The following CACNB2 variants were observed in gnomAD, a reference collection of about 807,000 sequenced individuals.
CACNB2 encodes the protein calcium voltage-gated channel auxiliary subunit beta 2, also known as voltage-dependent L-type calcium channel subunit beta-2.
In CACNB2, 42 loss-of-function variants were observed where a neutral mutation model predicts 73.3. That is an observed-to-expected ratio of 0.57 (90% confidence interval 0.45 to 0.74). The LOEUF is 0.74. CACNB2 is among the 30% of genes least tolerant of loss of function. The pLI, the probability that CACNB2 is intolerant of heterozygous loss-of-function variation, is 0.00. For synonymous variants in CACNB2, 348 were observed against 310.3 expected, an observed-to-expected ratio of 1.12 and a Z score of -1.28; for missense variants, 940 against 853.0, an observed-to-expected ratio of 1.10 and a Z score of -1.27.
At chr10:18,538,020 CT>C (rs1167621437) in intron 12 of CACNB2, among the ~76,000 whole-genome samples, 159 bp from the exon 13 acceptor site, 2 of 152,150 alleles carry the variant, frequency 1.3e-5, no homozygotes, top group African/African-American at 4.8e-5. Flanking sequence ...TAGTCAGACA[CT>C]TCCTAACTAA....
intron 9 of CACNB2, among the ~76,000 whole-genome samples, 195 bp from the exon 10 acceptor site, chr10:18,527,393 A>G (rs1589699515): frequency 6.6e-6 from 1 of 152,324 alleles, no homozygotes; most frequent in East Asian, 1.9e-4. Flanking sequence ...AACAAAAAAC[A>G]AAGTAAGGCA....
At chr10:18,408,231 CTTTTTTTTTTT>C (rs71402161) in intron 3 of CACNB2, among the ~76,000 whole-genome samples, 1 of 77,994 alleles carries the variant, frequency 1.3e-5, no homozygotes, top group Non-Finnish European at 2.3e-5. Flanking sequence ...CTATCCCTGA[CTTTTTTTTTTT>C]TTTTTTTTTT....
chr10:18,508,083 A>C (rs1181371540), intron 6 of CACNB2, among the ~76,000 whole-genome samples: 1 of 152,162 alleles, frequency 6.6e-6, no homozygotes, highest in Admixed American at 6.5e-5. Context: ...CCATTGGCAA[A>C]CTAAGATACT....
intron 2 of CACNB2, among the ~76,000 whole-genome samples, chr10:18,379,574 A>G (rs11013933): frequency 0.26 from 39,834 of 151,988 alleles, 5,413 homozygotes; most frequent in Non-Finnish European, 0.28. Context: ...TTGTCGTACA[A>G]CCATCACCAC....
intron 2 of CACNB2, among the ~76,000 whole-genome samples, chr10:18,330,900 C>T (rs775611785): frequency 2.0e-5 from 3 of 151,828 alleles, no homozygotes; most frequent in Non-Finnish European, 4.4e-5. Context: ...AACTCCTGGC[C>T]TCATAATCTG....
intron 3 of CACNB2, among the ~76,000 whole-genome samples, chr10:18,479,963 C>A (rs1442387946): frequency 6.6e-6 from 1 of 152,118 alleles, no homozygotes; most frequent in East Asian, 1.9e-4. Flanking sequence ...TGTTATCTCC[C>A]AGGTTGATCA....
intron 3 of CACNB2, among the ~76,000 whole-genome samples, chr10:18,415,114 G>T (rs2044869732): frequency 2.0e-5 from 3 of 152,174 alleles, no homozygotes. Flanking sequence ...AGAAGCTCAT[G>T]GTCTAATGGT....
intron 2 of CACNB2, among the ~76,000 whole-genome samples, chr10:18,165,499 G>A (rs551354627): frequency 8.5e-5 from 13 of 152,300 alleles, no homozygotes; most frequent in South Asian, 6.2e-4. Flanking sequence ...TGTGACCTCC[G>A]CCTCCCAGGT....
intron 2 of CACNB2, among the ~76,000 whole-genome samples, chr10:18,168,351 TAGG>T (rs1204426383): frequency 1.3e-5 from 2 of 152,166 alleles, no homozygotes; most frequent in East Asian, 3.8e-4. Context: ...AACCAACTAG[TAGG>T]AGAAGAATTC....
At chr10:18,241,768 C>CT (rs577069871) in intron 2 of CACNB2, among the ~76,000 whole-genome samples, 1 of 151,658 alleles carries the variant, frequency 6.6e-6, no homozygotes, top group African/African-American at 2.4e-5. Context: ...ATTTACTGAC[C>CT]TTTTTTTGAA....
chr10:18,188,791 C>T (rs2034265652), intron 2 of CACNB2, among the ~76,000 whole-genome samples: 1 of 151,882 alleles, frequency 6.6e-6, no homozygotes, highest in African/African-American at 2.4e-5. Context: ...AAAATAATGT[C>T]TACTTAGTAT....
chr10:18,160,480 A>T (rs1164601663), intron 2 of CACNB2, among the ~76,000 whole-genome samples: 1 of 152,148 alleles, frequency 6.6e-6, no homozygotes, highest in Non-Finnish European at 1.5e-5. Flanking sequence ...AACCATATAA[A>T]GTCTTAGAAG....
intron 2 of CACNB2, among the ~76,000 whole-genome samples, chr10:18,300,329 G>A (rs967172367): frequency 2.6e-5 from 4 of 152,102 alleles, no homozygotes; most frequent in South Asian, 4.1e-4. Flanking sequence ...GCGGTGTTGT[G>A]TATTAATATC....
At position 18,498,379 on chromosome 10, in the gene CACNB2, C is replaced by T. The variant is rs541253552; in HGVS notation, c.358C>T (p.Arg120Trp). 25 of 1,614,088 alleles carry T rather than the reference C, an allele frequency of 1.5e-5. No homozygotes were observed. The highest frequency in any genetic ancestry group is 4.4e-5 in the South Asian group (4 of 91,080). Reference sequence around the variant, plus strand: ...GACAAAGCCCGTTGCATTTGCGGTTCGGACAAATGTCAGCTACAGTGCGGC... The same window carrying T: ...GACAAAGCCCGTTGCATTTGCGGTTTGGACAAATGTCAGCTACAGTGCGGC... ...AKTKPVAFAV[R>W]TNVSYSAAHE... The change falls in exon 4 of 14, where the codon CGG becomes TGG. Residue 120 changes from arginine to tryptophan, a missense_variant. Coordinates refer to ENST00000324631, the MANE Select transcript of CACNB2 (RefSeq NM_201596.3).
intron 2 of CACNB2, among the ~76,000 whole-genome samples, chr10:18,168,180 G>A (rs2032990842): frequency 1.3e-5 from 2 of 152,148 alleles, no homozygotes; most frequent in Non-Finnish European, 2.9e-5. Flanking sequence ...TAGCAACTTG[G>A]GAGGTTGAGG....
intron 2 of CACNB2, among the ~76,000 whole-genome samples, chr10:18,301,814 A>G (rs1405911067): frequency 6.6e-6 from 1 of 151,636 alleles, no homozygotes; most frequent in Middle Eastern, 3.4e-3. Context: ...ACGCACAGCT[A>G]ATTTTTGTAT....
chr10:18,369,500 G>A (rs1010642589), intron 2 of CACNB2, among the ~76,000 whole-genome samples: 1 of 152,114 alleles, frequency 6.6e-6, no homozygotes, highest in Non-Finnish European at 1.5e-5. Flanking sequence ...GAAGAAACAT[G>A]CATCAATAAG....
intron 2 of CACNB2, among the ~76,000 whole-genome samples, chr10:18,154,563 G>A (rs945194437): frequency 2.6e-5 from 4 of 152,084 alleles, no homozygotes; most frequent in Middle Eastern, 6.3e-3. Flanking sequence ...CATCTCCTGG[G>A]TTTAAGTAGT....
intron 2 of CACNB2, among the ~76,000 whole-genome samples, chr10:18,362,550 T>A (rs1438027158): frequency 1.3e-5 from 2 of 152,174 alleles, no homozygotes; most frequent in Non-Finnish European, 2.9e-5. Context: ...ATCTTTTAAG[T>A]ATAAGAAAAA....
Sources: allele counts gnomAD v4.1 joint callset (sites outside exome capture counted in the v4.1 genomes callset), GRCh38; gene constraint gnomAD v4.1.1; transcripts MANE v1.5; gene names NCBI Gene and HGNC (gene_info 2026-07-23, HGNC 2026-07-21).